DHX15: variants seen among roughly 807,000 people sequenced by gnomAD.
The protein encoded by DHX15 is DEAH-box helicase 15, also known as ATP-dependent RNA helicase DHX15.
In DHX15, 11 loss-of-function variants were observed where a neutral mutation model predicts 94.4. That is an observed-to-expected ratio of 0.12 (90% CI 0.07 to 0.19). The LOEUF is 0.19. DHX15 is among the 10% of genes least tolerant of loss of function. The pLI is 1.00. For missense variants in DHX15, 304 were observed against 988.5 expected (o/e 0.31, Z 9.29); for synonymous variants, 338 against 329.9 (o/e 1.02, Z -0.27).
intron 2 of DHX15, among the ~76,000 whole-genome samples, chr4:24,575,636 G>A (rs575219384): frequency 2.0e-5 from 3 of 152,222 alleles, no homozygotes; most frequent in Non-Finnish European, 4.4e-5. Context: ...ATGATCTTCT[G>A]ACCCAGCAAT....
intron 1 of DHX15, among the ~76,000 whole-genome samples, chr4:24,581,510 T>C (rs779293190): frequency 6.6e-6 from 1 of 152,220 alleles, no homozygotes; most frequent in Non-Finnish European, 1.5e-5. Context: ...TATCCAAAGA[T>C]GGAGATGAAG....
chr4:24,570,564 G>T, intron 3 of DHX15, 90 bp downstream of exon 3: 1 of 1,154,026 alleles, frequency 8.7e-7, no homozygotes, highest in South Asian at 1.5e-5. Flanking sequence ...AAATTTGGAT[G>T]ACATAAGCCT....
At chr4:24,545,827 C>A (rs573192209) in intron 6 of DHX15, among the ~76,000 whole-genome samples, 8 of 152,252 alleles carry the variant, frequency 5.3e-5, no homozygotes, top group African/African-American at 1.9e-4. Flanking sequence ...TTGTTACATG[C>A]TTTCTAGACT....
chr4:24,542,556 T>C (rs1721334762), intron 7 of DHX15, among the ~76,000 whole-genome samples: 1 of 152,210 alleles, frequency 6.6e-6, no homozygotes, highest in Admixed American at 6.5e-5. Flanking sequence ...AACATAGTAC[T>C]GTTTTCAAAT....
intron 2 of DHX15, among the ~76,000 whole-genome samples, chr4:24,571,555 T>C (rs1291530132): frequency 6.6e-6 from 1 of 152,212 alleles, no homozygotes; most frequent in Non-Finnish European, 1.5e-5. Context: ...TATAAGCTAA[T>C]GGATTCCCCA....
intron 12 of DHX15, chr4:24,530,586 A>G (rs1721059130): frequency 6.6e-6 from 1 of 151,874 alleles, no homozygotes; most frequent in East Asian, 1.9e-4. Flanking sequence ...TTCAAAAAAG[A>G]AAATAAAGAA....
chr4:24,528,042 C>T lies in DHX15; in HGVS notation c.2271-1G>A. ...ATATTGAGGGGCAATTTTCACCAAC[C>T]TGTTTAGAAGTGGGCAGAAAAATTT... On this transcript the variant is annotated splice_acceptor_variant, in intron 13 of 13. Coordinates refer to ENST00000336812, the MANE Select transcript of DHX15 (RefSeq NM_001358.3). LOFTEE classifies it high-confidence loss of function. The T allele has an allele frequency of 6.2e-7, 1 of 1,611,412 alleles. No individual in the cohort carries two copies. Among genetic ancestry groups the T allele is most frequent in the East Asian group, 2.2e-5 (1 of 44,840 alleles).
chr4:24,561,554 T>A (rs1239175885), intron 3 of DHX15, among the ~76,000 whole-genome samples: 2 of 152,116 alleles, frequency 1.3e-5, no homozygotes, highest in Non-Finnish European at 2.9e-5. Context: ...TCAACTTAAA[T>A]GTCCATTAAA....
At chr4:24,547,901 GTGTATATATA>G (rs1721468535) in intron 6 of DHX15, among the ~76,000 whole-genome samples, 1 of 14,178 alleles carries the variant, frequency 7.1e-5, no homozygotes, top group South Asian at 3.6e-3. Flanking sequence ...ATGTATGTAT[GTGTATATATA>G]TATATATATA....
intron 5 of DHX15, among the ~76,000 whole-genome samples, chr4:24,550,375 A>G (rs1416736587): frequency 6.6e-6 from 1 of 152,132 alleles, no homozygotes; most frequent in Non-Finnish European, 1.5e-5. Context: ...AACTTTATAA[A>G]CTTCTAAATT....
rs572060625 is a variant in DHX15, at chr4:24,565,922, C to A, written c.701+4732G>T. 3.9e-5 allele frequency among the ~76,000 whole-genome samples: 6 copies of A among 152,222 alleles called. 1 individual carries two copies. Among genetic ancestry groups the A allele is most frequent in the African/African-American group, 1.4e-4 (6 of 41,538 alleles). On this transcript the variant is annotated intron_variant, in intron 3 of 13. Coordinates refer to ENST00000336812, the MANE Select transcript of DHX15 (RefSeq NM_001358.3). Reference sequence around the variant, plus strand: ...TGAAAAAGAAACAAGCACATGAGGGCTACTTAACACATAGTTAATGTCACA... The same window carrying A: ...TGAAAAAGAAACAAGCACATGAGGGATACTTAACACATAGTTAATGTCACA...
chr4:24,581,147 C>A (rs894147999), intron 1 of DHX15, among the ~76,000 whole-genome samples: 17 of 151,904 alleles, frequency 1.1e-4, no homozygotes, highest in African/African-American at 4.1e-4. Context: ...TCTTCCTCAG[C>A]CTCCCAGAGT....
At position 24,554,734 on chromosome 4, in the gene DHX15, A is replaced by C. The variant is rs1721692124; in HGVS notation, c.1071T>G (p.Thr357=). 15 of 1,612,328 alleles carry C rather than the reference A, an allele frequency of 9.3e-6. No homozygotes were observed. Among genetic ancestry groups the C allele is most frequent in the Non-Finnish European group, 1.3e-5 (15 of 1,178,984 alleles). ...AAAATTAAAACAATACCTCTTGACC[A>C]GTTAAGAAAAGAAGAAGATCTCCCT... ...EEEGDLLLFL[T]GQEEIDEACK... Residue 357 remains threonine (T), a synonymous_variant, in exon 5 of 14, where the codon ACT becomes ACG. Coordinates refer to ENST00000336812, the MANE Select transcript of DHX15 (RefSeq NM_001358.3).
chr4:24,583,441 G>A (rs1197359072), intron 1 of DHX15, among the ~76,000 whole-genome samples: 1 of 149,988 alleles, frequency 6.7e-6, no homozygotes, highest in African/African-American at 2.5e-5. Flanking sequence ...TACTTATGAA[G>A]AAAAGTGGGA....
chr4:24,556,185 G>T, intron 4 of DHX15, 66 bp downstream of exon 4: 1 of 1,386,018 alleles, frequency 7.2e-7, no homozygotes, highest in South Asian at 1.3e-5. Flanking sequence ...TGATCAGTAT[G>T]TATTCCCCAT....
intron 6 of DHX15, among the ~76,000 whole-genome samples, chr4:24,548,303 C>T (rs993021850): frequency 1.3e-5 from 2 of 151,954 alleles, no homozygotes; most frequent in Admixed American, 6.6e-5. Context: ...CTACCACGCC[C>T]GGCTAATTTT....
intron 5 of DHX15, among the ~76,000 whole-genome samples, chr4:24,553,038 T>C (rs974454834): frequency 6.6e-6 from 1 of 152,180 alleles, no homozygotes; most frequent in East Asian, 1.9e-4. Context: ...AAAATAAAAA[T>C]ATGGCCAGGT....
chr4:24,550,297 T>C (rs907937012), intron 5 of DHX15, among the ~76,000 whole-genome samples: 1 of 151,136 alleles, frequency 6.6e-6, no homozygotes, highest in Non-Finnish European at 1.5e-5. Flanking sequence ...TATAAAAAAA[T>C]GTATTTTCTT....
intron 1 of DHX15, among the ~76,000 whole-genome samples, chr4:24,583,293 T>C (rs1007542071): frequency 2.0e-5 from 3 of 152,166 alleles, no homozygotes; most frequent in Non-Finnish European, 4.4e-5. Flanking sequence ...ACTGCTAAAT[T>C]CCTCTGTACC....
Sources: allele counts gnomAD v4.1 joint callset (sites outside exome capture counted in the v4.1 genomes callset), GRCh38; gene constraint gnomAD v4.1.1; transcripts MANE v1.5; gene names NCBI Gene and HGNC (gene_info 2026-07-23, HGNC 2026-07-21).